The following GALR2 variants were observed in gnomAD, a reference collection of about 807,000 sequenced individuals.
GALR2 encodes galanin receptor 2, also known as galanin receptor type 2.
Under a neutral mutation model 7.2 loss-of-function variants are expected in GALR2, and 5 were observed. The observed-to-expected ratio is 0.69, with a 90% CI of 0.36 to 1.45. The LOEUF is 1.45. Ranked by LOEUF, GALR2 falls within the 40% of genes most tolerant of loss-of-function variation. The pLI, the probability that GALR2 is intolerant of heterozygous loss-of-function variation, is 0.03. For missense variants in GALR2, 561 were observed against 555.7 expected, an observed-to-expected ratio of 1.01 and a Z score of -0.10; for synonymous variants, 300 against 263.9, an observed-to-expected ratio of 1.14 and a Z score of -1.32.
Position 76,074,850 on chromosome 17 carries a change from CAGG to C in GALR2, c.-31_-29del. ...CCGCTCGCGGAGACCCAGACGGCTG[CAGG>C]AGCCCGGGCAGCCTCGGGGTCAGCG... On this transcript the variant is annotated 5_prime_UTR_variant, in exon 1 of 2. Coordinates refer to ENST00000329003, the MANE Select transcript of GALR2 (RefSeq NM_003857.4). The surrounding 1 kb of genome is among the most constrained non-coding windows in gnomAD (Gnocchi z 6.7). The C allele has an allele frequency of 6.8e-7, 1 of 1,463,694 alleles. No homozygotes were observed. Among genetic ancestry groups the C allele is most frequent in the Admixed American group, 2.4e-5 (1 of 41,866 alleles). The allele number at this position is 1,463,694 out of a possible 1,614,324, so 90.7% of individuals were successfully genotyped here.
rs754681638 is a variant in GALR2 at position 76,074,988 on chromosome 17, C to T, written c.105C>T (p.Ile35=). ...TCGTGCCCCTGCTCTTCGCGCTCAT[C>T]TTCCTCGTGGGCACCGTGGGCAACA... ...AVIVPLLFAL[I]FLVGTVGNTL... is the part of the protein sequence containing the mutation. The change falls in exon 1 of 2, where the codon ATC becomes ATT. Residue 35 remains isoleucine, a synonymous_variant. Coordinates refer to ENST00000329003, the MANE Select transcript of GALR2 (RefSeq NM_003857.4). The surrounding 1 kb of genome is among the most constrained non-coding windows in gnomAD (Gnocchi z 6.7). The T allele has an allele frequency of 1.9e-6, 3 of 1,605,370 alleles. No homozygotes were observed. In the Admixed American group the frequency reaches 5.0e-5, roughly 27 times the overall value.
upstream of GALR2, chr17:76,072,326 C>A: frequency 6.2e-7 from 1 of 1,612,406 alleles, no homozygotes; most frequent in Non-Finnish European, 8.5e-7. This position sits in a 1 kb window ranked among gnomAD's most constrained non-coding sequence, Gnocchi z 4.5. Context: ...CTCAGGCTAT[C>A]CCCAAATTCT....
Position 76,077,401 on chromosome 17 carries a change from C to A in GALR2, c.1134C>A (p.Gly378=), listed in dbSNP as rs930867812. 4 of 1,462,154 alleles carry A rather than the reference C, an allele frequency of 2.7e-6. No homozygotes were observed. The African/African-American group carries it at 4.2e-5, about 16-fold the overall frequency. The allele number at this position is 1,462,154 out of a possible 1,614,324, so 90.6% of individuals were successfully genotyped here. Residue 378 remains glycine (G), a synonymous_variant, in exon 2 of 2, where the codon GGC becomes GGA. Transcript: ENST00000329003. Reference sequence around the variant, plus strand: ...CGTCCTGGCAGGGCCCAAAGGCAGGCGACAGCATCCTGACGGTTGATGTGG... The same window carrying A: ...CGTCCTGGCAGGGCCCAAAGGCAGGAGACAGCATCCTGACGGTTGATGTGG... The part of the protein sequence containing the change: ...PGPSWQGPKA[G]DSILTVDVA
At chr17:76,072,596 C>G, upstream of GALR2, 1 of 1,473,678 alleles carries the variant, frequency 6.8e-7, no homozygotes, top group Non-Finnish European at 8.9e-7. This position sits in a 1 kb window ranked among gnomAD's most constrained non-coding sequence, Gnocchi z 4.5. Flanking sequence ...CGGCGGACTC[C>G]GCCGCCGTCG....
chr17:76,076,498 CA>C lies in GALR2; in HGVS notation c.369-137del. ...CCGCCCTCACGCCGAGCCTCACCCCCACCTCCTCTGTGTGCGGTGTAACCAT... is the reference window on the plus strand; with the variant it reads ...CCGCCCTCACGCCGAGCCTCACCCCCCCTCCTCTGTGTGCGGTGTAACCAT... On this transcript the variant is annotated intron_variant, in intron 1 of 1. Transcript: ENST00000329003. This position sits in a 1 kb window ranked among gnomAD's most constrained non-coding sequence, Gnocchi z 6.5. 1 of 604,544 alleles carries C rather than the reference CA, an allele frequency of 1.7e-6. No individual in the cohort carries two copies. Among genetic ancestry groups the C allele is most frequent in the Non-Finnish European group, 2.9e-6 (1 of 349,480 alleles). 37.4% of individuals were successfully genotyped at this position (604,544 alleles called of 1,614,324 possible).
At position 76,076,836 on chromosome 17, in the gene GALR2, G is replaced by A; in HGVS notation, c.569G>A (p.Cys190Tyr). Residue 190 changes from cysteine to tyrosine, a missense_variant, in exon 2 of 2, where the codon TGC (cysteine) becomes TAC (tyrosine). Cys to Tyr is a radical substitution (Grantham distance 194). Coordinates refer to ENST00000329003, the MANE Select transcript of GALR2 (RefSeq NM_003857.4). This position sits in a 1 kb window ranked among gnomAD's most constrained non-coding sequence, Gnocchi z 6.5. ...CCTCGCCGCCGCGCCATGGACATCT[G>A]CACCTTCGTCTTCAGCTACCTGCTT... ...SAPRRRAMDI[C>Y]TFVFSYLLPV... The A allele has an allele frequency of 1.2e-6, 2 of 1,605,286 alleles. No homozygotes were observed.
Position 76,076,200 on chromosome 17 carries a change from G to A in GALR2, c.369-436G>A, listed in dbSNP as rs558491296. ...AAATTAACTGTCCCTTGCCCAACAT[G>A]TCTTCTCCAGGCTGTCTGCTAGAGC... On this transcript the variant is annotated intron_variant, in intron 1 of 1. Transcript: ENST00000329003. The surrounding 1 kb of genome is among the most constrained non-coding windows in gnomAD (Gnocchi z 6.5). Among the ~76,000 whole-genome samples the A allele has an allele frequency of 6.6e-6, 1 of 152,346 alleles. No homozygotes were observed. Among genetic ancestry groups the A allele is most frequent in the African/African-American group, 2.4e-5 (1 of 41,588 alleles).
rs767901120 is a variant in GALR2 at position 76,074,936 on chromosome 17, G to A, written c.53G>A (p.Gly18Glu). The change falls in exon 1 of 2, where the codon GGG becomes GAG. Residue 18 changes from glycine to glutamate, a missense_variant. Physicochemically the swap from Gly to Glu is moderately conservative, Grantham distance 98. Transcript: ENST00000329003. This position sits in a 1 kb window ranked among gnomAD's most constrained non-coding sequence, Gnocchi z 6.7. ...GAGNASQAGG[G>E]GGWHPEAVIV... ...GGGAACGCGAGCCAGGCGGGCGGCG[G>A]GGGAGGCTGGCACCCCGAGGCGGTC... 1 of 1,562,490 alleles carries A rather than the reference G, an allele frequency of 6.4e-7. No homozygotes were observed.
chr17:76,076,508 G>T lies in GALR2; in HGVS notation c.369-128G>T. The T allele has an allele frequency of 1.6e-6, 1 of 625,450 alleles. No homozygotes were observed. Among genetic ancestry groups the T allele is most frequent in the Non-Finnish European group, 2.7e-6 (1 of 364,094 alleles). The allele number at this position is 625,450 out of a possible 1,614,324, so 38.7% of individuals were successfully genotyped here. ...GCCGAGCCTCACCCCCACCTCCTCT[G>T]TGTGCGGTGTAACCATGCGCTAAGG... On this transcript the variant is annotated intron_variant, in intron 1 of 1. Transcript: ENST00000329003. This position sits in a 1 kb window ranked among gnomAD's most constrained non-coding sequence, Gnocchi z 6.5.
upstream of GALR2, chr17:76,072,513 A>T: frequency 9.5e-6 from 15 of 1,576,728 alleles, no homozygotes; most frequent in Non-Finnish European, 1.3e-5. This position sits in a 1 kb window ranked among gnomAD's most constrained non-coding sequence, Gnocchi z 4.5. Context: ...GCCGCAGAGC[A>T]AGACGGGATA....
Position 76,077,417 on chromosome 17 carries a change from G to A in GALR2, c.1150G>A (p.Val384Ile). ...AAAGGCAGGCGACAGCATCCTGACGGTTGATGTGGCCTGAAAGCACTTAGC... is the reference window on the plus strand; with the variant it reads ...AAAGGCAGGCGACAGCATCCTGACGATTGATGTGGCCTGAAAGCACTTAGC... ...GPKAGDSILT[V>I]DVA Residue 384 changes from valine (V) to isoleucine (I), a missense_variant, in exon 2 of 2, where the codon GTT becomes ATT. By Grantham distance (29) the Val-to-Ile change is conservative. Coordinates refer to ENST00000329003, the MANE Select transcript of GALR2 (RefSeq NM_003857.4). The A allele has an allele frequency of 6.9e-7, 1 of 1,453,478 alleles. No individual in the cohort carries two copies. The highest frequency in any genetic ancestry group is 9.0e-7 in the Non-Finnish European group (1 of 1,109,118). The allele number at this position is 1,453,478 out of a possible 1,614,324, so 90.0% of individuals were successfully genotyped here. A position where few individuals can be genotyped will look rare whatever the true frequency, so the allele number is the denominator to read the frequency against.
At chr17:76,072,288 G>A (rs545496361), upstream of GALR2, 3 of 1,608,146 alleles carry the variant, frequency 1.9e-6, no homozygotes, top group East Asian at 2.3e-5. The surrounding 1 kb of genome is among the most constrained non-coding windows in gnomAD (Gnocchi z 4.5). Flanking sequence ...TGCGAGTTAG[G>A]CCCGATTACT....
In GALR2 at chr17:76,075,466, G is replaced by GA. The variant is rs1426860076; in HGVS notation, c.368+217dup. On this transcript the variant is annotated intron_variant, in intron 1 of 1. Transcript: ENST00000329003. The surrounding 1 kb of genome is among the most constrained non-coding windows in gnomAD (Gnocchi z 5.9). Reference sequence around the variant, plus strand: ...GCGTCCTGGGGCCTGGAAGCCTGGAGAATGTGGCTCTCCAGCGCCGCCCGT... The same window carrying GA: ...GCGTCCTGGGGCCTGGAAGCCTGGAGAAATGTGGCTCTCCAGCGCCGCCCGT... Among the ~76,000 whole-genome samples the GA allele has an allele frequency of 1.3e-5, 2 of 152,252 alleles. No homozygotes were observed. The highest frequency in any genetic ancestry group is 3.8e-4 in the East Asian group (2 of 5,202).
Position 76,076,656 on chromosome 17 carries a change from C to T in GALR2, c.389C>T (p.Pro130Leu). The T allele has an allele frequency of 6.3e-7, 1 of 1,590,422 alleles. No individual in the cohort carries two copies. The highest frequency in any genetic ancestry group is 8.5e-7 in the Non-Finnish European group (1 of 1,173,072). The change falls in exon 2 of 2, where the codon CCG becomes CTG. Residue 130 changes from proline (P) to leucine (L), a missense_variant. Pro to Leu is a moderately conservative substitution (Grantham distance 98, BLOSUM62 -3). Coordinates refer to ENST00000329003, the MANE Select transcript of GALR2 (RefSeq NM_003857.4). The surrounding 1 kb of genome is among the most constrained non-coding windows in gnomAD (Gnocchi z 6.5). ...CGCAGGTATCTGGCCATCCGCTACC[C>T]GCTGCACTCCCGCGAGCTGCGCACG... is the stretch of plus-strand genomic sequence containing the variant. ...SLDRYLAIRY[P>L]LHSRELRTPR... is the part of the protein sequence containing the mutation.
Position 76,076,599 on chromosome 17 carries a change from C to T in GALR2, c.369-37C>T, listed in dbSNP as rs8192512. On this transcript the variant is annotated intron_variant, in intron 1 of 1. Coordinates refer to ENST00000329003, the MANE Select transcript of GALR2 (RefSeq NM_003857.4). This position sits in a 1 kb window ranked among gnomAD's most constrained non-coding sequence, Gnocchi z 6.5. ...CGCGGCCCTCCAGCATGAATGTGCC[C>T]GCTCAGCCGACGTCTCCCTTCCCGG... is the stretch of plus-strand genomic sequence containing the variant. The T allele has an allele frequency of 5.5e-6, 8 of 1,448,610 alleles. No homozygotes were observed. The East Asian group carries it at 9.1e-5, about 17-fold the overall frequency. 89.7% of individuals were successfully genotyped at this position (1,448,610 alleles called of 1,614,324 possible).
chr17:76,072,260 A>C, upstream of GALR2: 1 of 1,600,038 alleles, frequency 6.2e-7, no homozygotes, highest in South Asian at 1.1e-5. The surrounding 1 kb of genome is among the most constrained non-coding windows in gnomAD (Gnocchi z 4.5). Flanking sequence ...CCAGCCCTCC[A>C]GTTCGACACG....
At chr17:76,072,660 TG>T, upstream of GALR2, 1 of 1,329,804 alleles carries the variant, frequency 7.5e-7, no homozygotes. This position sits in a 1 kb window ranked among gnomAD's most constrained non-coding sequence, Gnocchi z 4.5. Flanking sequence ...CGAGGGATCC[TG>T]TCATCCCGGG....
At chr17:76,074,349 C>G (rs1183696201), upstream of GALR2, among the ~76,000 whole-genome samples, 1 of 152,238 alleles carries the variant, frequency 6.6e-6, no homozygotes, top group Non-Finnish European at 1.5e-5. This position sits in a 1 kb window ranked among gnomAD's most constrained non-coding sequence, Gnocchi z 6.7. Flanking sequence ...TTTCCTCCCC[C>G]CGATCTCCCA....
At chr17:76,073,428 T>G (rs2066871014), upstream of GALR2, among the ~76,000 whole-genome samples, 1 of 142,340 alleles carries the variant, frequency 7.0e-6, no homozygotes, top group Non-Finnish European at 1.5e-5. Context: ...CCCGAGTAGC[T>G]GGGATTACAG....
Sources: allele counts gnomAD v4.1 joint callset (sites outside exome capture counted in the v4.1 genomes callset), GRCh38; gene constraint gnomAD v4.1.1; non-coding constraint Gnocchi (gnomAD v3.1); transcripts MANE v1.5; gene names NCBI Gene and HGNC (gene_info 2026-07-23, HGNC 2026-07-21).